The following ARID1A variants were observed in gnomAD, a reference collection of about 807,000 sequenced individuals.
ARID1A encodes the protein AT-rich interaction domain 1A, also known as AT-rich interactive domain-containing protein 1A.
Under a neutral mutation model 212.6 loss-of-function variants are expected in ARID1A, and 20 were observed. The observed-to-expected ratio is 0.09, with a 90% CI of 0.07 to 0.14. ARID1A has a LOEUF of 0.14. ARID1A is among the 10% of genes least tolerant of loss of function. The pLI is 1.00. For synonymous variants in ARID1A, 1,376 were observed against 1,222.1 expected (o/e 1.13, Z -2.63); for missense variants, 2,587 against 3,059.0 (o/e 0.85, Z 3.64).
chr1:26,759,047 C>T (rs920930511), intron 4 of ARID1A, among the ~76,000 whole-genome samples: 2 of 6,752 alleles, frequency 3.0e-4, no homozygotes, highest in African/African-American at 4.1e-3. Context: ...TGCCCTCTGA[C>T]CTCCAGTGTT....
chr1:26,738,708 G>A (rs35095113), intron 4 of ARID1A, among the ~76,000 whole-genome samples: 9,018 of 151,398 alleles, frequency 0.06, 327 homozygotes, highest in Non-Finnish European at 0.08. Flanking sequence ...ACAGGTGTGC[G>A]CCACCACTCC....
At chr1:26,722,805 G>A (rs1483255349) in intron 1 of ARID1A, among the ~76,000 whole-genome samples, 1 of 152,094 alleles carries the variant, frequency 6.6e-6, no homozygotes, top group Non-Finnish European at 1.5e-5. Context: ...ATAATCTAAT[G>A]AGATTTTTTT....
chr1:26,741,689 G>A (rs1037361285), intron 4 of ARID1A, among the ~76,000 whole-genome samples: 3 of 152,194 alleles, frequency 2.0e-5, no homozygotes, highest in Non-Finnish European at 2.9e-5. Context: ...ATTTCCTCAG[G>A]TTAGGTAGGA....
rs1169582817 is a variant in ARID1A, at chr1:26,696,887, G to A, written c.484G>A (p.Ala162Thr). The A allele has an allele frequency of 7.4e-7, 1 of 1,353,204 alleles. No individual in the cohort carries two copies. The highest frequency in any genetic ancestry group is 3.0e-5 in the East Asian group (1 of 33,030). The allele number at this position is 1,353,204 out of a possible 1,614,324, so 83.8% of individuals were successfully genotyped here. Reference protein sequence around the residue: ...QPYGRSPSAVAAAAAAVFHQQ... With the variant: ...QPYGRSPSAVTAAAAAVFHQQ... ...CTACGGCCGGAGCCCGTCTGCCGTC[G>A]CCGCCGCCGCGGCCGCCGTCTTCCA... Residue 162 changes from alanine (A) to threonine (T), a missense_variant, in exon 1 of 20, where the codon GCC becomes ACC. This residue lies in a region of ARID1A where 735 missense variants were observed against 590.6 expected (regional missense o/e 1.24). Transcript: ENST00000324856.
chr1:26,763,767 A>G (rs951374560), intron 8 of ARID1A, among the ~76,000 whole-genome samples: 1 of 152,086 alleles, frequency 6.6e-6, no homozygotes, highest in African/African-American at 2.4e-5. Context: ...AGACTGTCGA[A>G]AAAAGGGGTT....
In ARID1A at chr1:26,774,778, C is replaced by A. The variant is rs377673073; in HGVS notation, c.4551C>A (p.Ala1517=). Residue 1517 remains alanine (A), a synonymous_variant, in exon 18 of 20, where the codon GCC becomes GCA. Transcript: ENST00000324856. This position sits in a 1 kb window ranked among gnomAD's most constrained non-coding sequence, Gnocchi z 5.6. ...CCAACAGGCAGAGCACGGGCTCTGCCCCCCAGGGCCCCGCCTATCATGGCG... is the reference window on the plus strand; with the variant it reads ...CCAACAGGCAGAGCACGGGCTCTGCACCCCAGGGCCCCGCCTATCATGGCG... ...NYANRQSTGS[A]PQGPAYHGVN... The A allele has an allele frequency of 1.2e-6, 2 of 1,614,182 alleles. No homozygotes were observed. Among genetic ancestry groups the A allele is most frequent in the Non-Finnish European group, 1.7e-6 (2 of 1,180,032 alleles).
At chr1:26,765,903 TG>T (rs1286585094) in intron 8 of ARID1A, 2 of 232,386 alleles carry the variant, frequency 8.6e-6, no homozygotes, top group Admixed American at 5.2e-5. Flanking sequence ...TAGCTGGACA[TG>T]GTGGTGCATG....
intron 11 of ARID1A, chr1:26,770,194 CAG>C (rs2081071622): frequency 6.6e-6 from 1 of 152,146 alleles, no homozygotes; most frequent in Non-Finnish European, 1.5e-5. Context: ...GCCTGGGTGA[CAG>C]AGTGAGACTC....
Position 26,762,954 on chromosome 1 carries a change from T to C in ARID1A, c.2420-19T>C. ...TGCTAGTGAGTGACTAACCAAGTCT[T>C]GTCTTCCTCCCCTCCCAGGTGGCTA... On this transcript the variant is annotated intron_variant, in intron 7 of 19. Coordinates refer to ENST00000324856, the MANE Select transcript of ARID1A (RefSeq NM_006015.6). 1 of 1,562,162 alleles carries C rather than the reference T, an allele frequency of 6.4e-7. No individual in the cohort carries two copies. Among genetic ancestry groups the C allele is most frequent in the Non-Finnish European group, 8.7e-7 (1 of 1,146,208 alleles).
chr1:26,755,198 C>A (rs1401838995), intron 4 of ARID1A, among the ~76,000 whole-genome samples: 1 of 152,210 alleles, frequency 6.6e-6, no homozygotes, highest in Non-Finnish European at 1.5e-5. Context: ...AAGTGTCTGG[C>A]ATATAGTAGA....
chr1:26,747,815 A>T (rs1361899353), intron 4 of ARID1A, among the ~76,000 whole-genome samples: 1 of 152,104 alleles, frequency 6.6e-6, no homozygotes, highest in African/African-American at 2.4e-5. Context: ...GCACGACTGC[A>T]CTCCAGCCTG....
chr1:26,766,429 G>A (rs1385092710), intron 9 of ARID1A, 28 bp from the exon 10 acceptor site: 2 of 1,613,860 alleles, frequency 1.2e-6, no homozygotes, highest in Non-Finnish European at 8.5e-7. Flanking sequence ...AAACTTACTG[G>A]ACTTGAGAAT....
intron 1 of ARID1A, among the ~76,000 whole-genome samples, chr1:26,719,679 G>A (rs34517168): frequency 1.1e-4 from 16 of 151,030 alleles, no homozygotes; most frequent in African/African-American, 3.9e-4. Context: ...AGTGGCTCAC[G>A]CCTGTAATCC....
At chr1:26,716,806 A>G (rs1171385913) in intron 1 of ARID1A, among the ~76,000 whole-genome samples, 1 of 152,022 alleles carries the variant, frequency 6.6e-6, no homozygotes. Context: ...TTGTATTTTT[A>G]GTAGAGACAG....
rs1184595505 is a variant in ARID1A, at chr1:26,697,430, G to A, written c.1027G>A (p.Ala343Thr). 1 of 1,350,606 alleles carries A rather than the reference G, an allele frequency of 7.4e-7. No homozygotes were observed. Among genetic ancestry groups the A allele is most frequent in the African/African-American group, 1.5e-5 (1 of 65,008 alleles). The allele number at this position is 1,350,606 out of a possible 1,614,324, so 83.7% of individuals were successfully genotyped here. A position where few individuals can be genotyped will look rare whatever the true frequency, so the allele number is the denominator to read the frequency against. The part of the protein sequence containing the change: ...ASQCWGAAAA[A>T]AAAAAASGGA... ...GCAGTGTTGGGGGGCTGCGGCGGCG[G>A]CAGCTGCGGCGGCGGCCGCCTCGGG... Residue 343 changes from alanine (A) to threonine (T), a missense_variant, in exon 1 of 20, where the codon GCA (alanine) becomes ACA (threonine). This residue lies in a region of ARID1A where 735 missense variants were observed against 590.6 expected (regional missense o/e 1.24). Transcript: ENST00000324856.
Position 26,697,208 on chromosome 1 carries a change from C to T in ARID1A, c.805C>T (p.Gln269Ter), listed in dbSNP as rs2124743658. Residue 269 changes from glutamine (Q) to a stop codon, truncating the protein, a stop_gained, in exon 1 of 20, where the codon CAG becomes TAG. Coordinates refer to ENST00000324856, the MANE Select transcript of ARID1A (RefSeq NM_006015.6). LOFTEE classifies it high-confidence loss of function. ...ASSSSSSFAQ[Q>*]RFGAMGGGGP... ...CTCGTCGTCTTCGTCCTTCGCTCAG[C>T]AGCGCTTCGGGGCCATGGGGGGAGG... 7.1e-7 allele frequency: 1 copy of T among 1,406,052 alleles called. No individual in the cohort carries two copies. 87.1% of individuals were successfully genotyped at this position (1,406,052 alleles called of 1,614,324 possible).
chr1:26,773,974 T>G (rs2081110266), intron 17 of ARID1A, 76 bp downstream of exon 17: 1 of 1,530,376 alleles, frequency 6.5e-7, no homozygotes, highest in Non-Finnish European at 9.0e-7. Flanking sequence ...TCTAACGTGT[T>G]GAAGTCTAAG....
At position 26,696,752 on chromosome 1, in the gene ARID1A, C is replaced by T. The variant is rs1570538824; in HGVS notation, c.349C>T (p.Leu117Phe). ...AGPRPALNNN[L>F]TEPPGGGGGG... is the part of the protein sequence containing the mutation. ...CCCTAGGCCCGCCCTGAACAATAAC[C>T]TCACGGAGCCGCCCGGCGGCGGCGG... The change falls in exon 1 of 20, where the codon CTC becomes TTC. Residue 117 changes from leucine (L) to phenylalanine (F), a missense_variant. By Grantham distance (22) the Leu-to-Phe change is conservative. Around this residue, in one of 11 missense-constraint regions of ARID1A, gnomAD observed 735 missense variants for 590.6 expected, o/e 1.24. Transcript: ENST00000324856. The T allele has an allele frequency of 2.9e-6, 4 of 1,362,380 alleles. No homozygotes were observed. Among genetic ancestry groups the T allele is most frequent in the African/African-American group, 1.5e-5 (1 of 64,716 alleles). 84.4% of individuals were successfully genotyped at this position (1,362,380 alleles called of 1,614,324 possible). A position where few individuals can be genotyped will look rare whatever the true frequency, so the allele number is the denominator to read the frequency against.
rs1006598706 is a variant in ARID1A at position 26,696,116 on chromosome 1, G to A, written c.-288G>A. ...TCATTCCCAGGCAAGGGCTTGGGGG[G>A]AATGAGCCGGGAGAGCCGGGTCCCG... On this transcript the variant is annotated 5_prime_UTR_variant, in exon 1 of 20. Transcript: ENST00000324856. 4 of 471,950 alleles carry A rather than the reference G, an allele frequency of 8.5e-6. No homozygotes were observed. The highest frequency in any genetic ancestry group is 1.2e-5 in the Non-Finnish European group (4 of 334,690). 29.2% of individuals were successfully genotyped at this position (471,950 alleles called of 1,614,324 possible).
Sources: allele counts gnomAD v4.1 joint callset (sites outside exome capture counted in the v4.1 genomes callset), GRCh38; gene constraint gnomAD v4.1.1; regional missense constraint gnomAD v4.1.1; non-coding constraint Gnocchi (gnomAD v3.1); transcripts MANE v1.5; gene names NCBI Gene and HGNC (gene_info 2026-07-23, HGNC 2026-07-21).